The following FRMPD3 variants were observed in gnomAD, a reference collection of about 807,000 sequenced individuals.
FRMPD3 encodes the protein FERM and PDZ domain-containing protein 3.
Under a neutral mutation model 97.9 loss-of-function variants are expected in FRMPD3, and 42 were observed. That is an observed-to-expected ratio of 0.43 (90% confidence interval 0.34 to 0.55). The LOEUF is 0.55. Ranked by LOEUF, FRMPD3 falls within the 20% of genes least tolerant of loss-of-function variation. FRMPD3 has a pLI of 0.03. For missense variants in FRMPD3, 1,303 were observed against 1,457.7 expected, an observed-to-expected ratio of 0.89 and a Z score of 1.73; for synonymous variants, 577 against 581.1, an observed-to-expected ratio of 0.99 and a Z score of 0.10.
Position 107,576,321 on chromosome X carries a change from G to T in FRMPD3, c.1303G>T (p.Val435Leu), listed in dbSNP as rs1425252155. ...ETSIMDAKPLVLLMEWPEATN... is the reference protein window; with the variant it reads ...ETSIMDAKPLLLLMEWPEATN... The stretch of plus-strand genomic sequence containing the variant: ...CTTCCCTTCTCTTCTGCAGCCTCTG[G>T]TGCTGTTGATGGAGTGGCCTGAAGC... The change falls in exon 13 of 15, where the codon GTG becomes TTG. Residue 435 changes from valine (V) to leucine (L), a missense_variant. Coordinates refer to ENST00000683843, the MANE Select transcript of FRMPD3 (RefSeq NM_001388459.1). 1.7e-6 allele frequency: 2 copies of T among 1,208,356 alleles called. No homozygotes were observed. Among genetic ancestry groups the T allele is most frequent in the Non-Finnish European group, 2.2e-6 (2 of 894,806 alleles).
rs1365575864 is a variant in FRMPD3 at position 107,572,911 on chromosome X, A to ACTAC, written c.1297-3404_1297-3403insCTAC. On this transcript the variant is annotated intron_variant, in intron 12 of 14. Coordinates refer to ENST00000683843, the MANE Select transcript of FRMPD3 (RefSeq NM_001388459.1). ...ACTACTACTACTACTACTACTACTA[A>ACTAC]TAATAATAATAATAATAAAGTAGAA... 8.7e-3 allele frequency among the ~76,000 whole-genome samples: 760 copies of ACTAC among 87,545 alleles called. 9 individuals carry two copies. Among genetic ancestry groups the ACTAC allele is most frequent in the African/African-American group, 0.036 (662 of 18,369 alleles). The allele number at this position is 87,545 out of a possible 115,157, so 76.0% of individuals were successfully genotyped here.
intron 4 of FRMPD3, among the ~76,000 whole-genome samples, chrX:107,541,101 C>A (rs1486416529): frequency 8.8e-6 from 1 of 113,314 alleles, no homozygotes; most frequent in Non-Finnish European, 1.9e-5. Context: ...AGGTGGTGAG[C>A]AAGATTTGGC....
chrX:107,534,271 C>T (rs954701529), intron 4 of FRMPD3, among the ~76,000 whole-genome samples: 1 of 111,810 alleles, frequency 8.9e-6, no homozygotes, highest in African/African-American at 3.3e-5. Context: ...AACTTAAATG[C>T]ACAAACCCAG....
At chrX:107,453,167 T>G (rs1412310944) in intron 1 of FRMPD3, among the ~76,000 whole-genome samples, 1 of 110,968 alleles carries the variant, frequency 9.0e-6, no homozygotes, top group Non-Finnish European at 1.9e-5. Context: ...CCAGGCTAAC[T>G]GAATGAAGCC....
chrX:107,576,243 T>G lies in FRMPD3; in HGVS notation c.1297-72T>G. 3 of 1,121,966 alleles carry G rather than the reference T, an allele frequency of 2.7e-6. No homozygotes were observed. The Middle Eastern group carries it at 7.3e-4, about 274-fold the overall frequency. The allele number at this position is 1,121,966 out of a possible 1,213,427, so 92.5% of individuals were successfully genotyped here. A position where few individuals can be genotyped will look rare whatever the true frequency, so the allele number is the denominator to read the frequency against. Reference sequence around the variant, plus strand: ...ACTATGCAAGTCATCTTTTGCTAGCTACCATGCCTCTGAAAATGCATCTGC... The same window carrying G: ...ACTATGCAAGTCATCTTTTGCTAGCGACCATGCCTCTGAAAATGCATCTGC... On this transcript the variant is annotated intron_variant, in intron 12 of 14. Coordinates refer to ENST00000683843, the MANE Select transcript of FRMPD3 (RefSeq NM_001388459.1).
rs1288610888 is a variant in FRMPD3 at position 107,601,647 on chromosome X, G to A, written c.3608G>A (p.Gly1203Asp). 1 of 1,211,039 alleles carries A rather than the reference G, an allele frequency of 8.3e-7. No individual in the cohort carries two copies. The stretch of plus-strand genomic sequence containing the variant: ...AATGGAGCCCACTCGACCTCTGAAG[G>A]CCCTGCCAAACCCAAGTCATCCCGA... Reference protein sequence around the residue: ...TLNGAHSTSEGPAKPKSSRGP... With the variant: ...TLNGAHSTSEDPAKPKSSRGP... Residue 1203 changes from glycine to aspartate, a missense_variant, in exon 15 of 15, where the codon GGC becomes GAC. Coordinates refer to ENST00000683843, the MANE Select transcript of FRMPD3 (RefSeq NM_001388459.1).
intron 1 of FRMPD3, among the ~76,000 whole-genome samples, chrX:107,509,228 TC>T (rs1159431309): frequency 8.9e-6 from 1 of 112,535 alleles, no homozygotes; most frequent in Admixed American, 9.3e-5. Context: ...TAGAGCTGGC[TC>T]CGCAAAGACC....
At chrX:107,483,573 T>A (rs940494685) in intron 1 of FRMPD3, among the ~76,000 whole-genome samples, 1 of 111,733 alleles carries the variant, frequency 8.9e-6, no homozygotes, top group African/African-American at 3.3e-5. Context: ...ATTCTGGGCT[T>A]TCTCAGCCCT....
At chrX:107,524,995 CAAAAAAAAAA>C (rs750900204) in intron 1 of FRMPD3, among the ~76,000 whole-genome samples, 4 of 13,737 alleles carry the variant, frequency 2.9e-4, no homozygotes, top group African/African-American at 4.5e-4. Context: ...GACTCCATCT[CAAAAAAAAAA>C]AAAAAAAAAA....
chrX:107,533,715 T>C (rs1219760981), intron 4 of FRMPD3, among the ~76,000 whole-genome samples, 165 bp downstream of exon 4: 1 of 112,084 alleles, frequency 8.9e-6, no homozygotes. Flanking sequence ...ACAGCATGTC[T>C]CTGCTCATGT....
At chrX:107,467,990 C>T (rs6418255) in intron 1 of FRMPD3, among the ~76,000 whole-genome samples, 19,165 of 111,162 alleles carry the variant, frequency 0.17, 3,788 homozygotes, top group African/African-American at 0.58. Flanking sequence ...AAAGACTCTT[C>T]CCATTACCCA....
intron 1 of FRMPD3, among the ~76,000 whole-genome samples, chrX:107,478,672 T>A (rs764963922): frequency 5.4e-5 from 6 of 111,448 alleles, no homozygotes; most frequent in African/African-American, 1.6e-4. Context: ...AAAAAAAAAA[T>A]GTTTGACTCC....
At chrX:107,452,813 C>G (rs1393435288) in intron 1 of FRMPD3, among the ~76,000 whole-genome samples, 2 of 108,985 alleles carry the variant, frequency 1.8e-5, no homozygotes, top group African/African-American at 3.4e-5. Flanking sequence ...TTGTGACCAA[C>G]GACATCCTCT....
intron 5 of FRMPD3, among the ~76,000 whole-genome samples, chrX:107,549,343 A>G (rs1279120664): frequency 9.0e-6 from 1 of 111,420 alleles, no homozygotes; most frequent in African/African-American, 3.3e-5. Context: ...AAAGAAAAAA[A>G]AAAGAAAATG....
chrX:107,522,501 G>A (rs753485596), intron 1 of FRMPD3: 1 of 539,702 alleles, frequency 1.9e-6, no homozygotes, highest in Non-Finnish European at 3.3e-6. Flanking sequence ...GGAGCAGGTA[G>A]GGGGTGCTGC....
intron 5 of FRMPD3, among the ~76,000 whole-genome samples, chrX:107,546,406 T>G (rs1921602302): frequency 8.9e-6 from 1 of 111,995 alleles, no homozygotes; most frequent in African/African-American, 3.3e-5. Flanking sequence ...ACCAGATACC[T>G]CTCAGCAATG....
At chrX:107,523,176 G>T (rs1162968315) in intron 1 of FRMPD3, among the ~76,000 whole-genome samples, 2 of 111,353 alleles carry the variant, frequency 1.8e-5, no homozygotes, top group Non-Finnish European at 1.9e-5. Context: ...CAAACCCCAG[G>T]AGGGAAGGAA....
At chrX:107,533,663 T>G (rs867664823) in intron 4 of FRMPD3, 113 bp downstream of exon 4, 2 of 643,742 alleles carry the variant, frequency 3.1e-6, no homozygotes, top group Middle Eastern at 3.3e-4. Flanking sequence ...AACCAACATA[T>G]GAGCCAAGGA....
intron 1 of FRMPD3, among the ~76,000 whole-genome samples, chrX:107,510,951 G>A (rs899713683): frequency 6.2e-5 from 7 of 112,519 alleles, no homozygotes; most frequent in Admixed American, 1.9e-4. Context: ...ACTGCTGGGC[G>A]TAAGTCCTTG....
Sources: gnomAD v4.1 joint callset for allele counts (sites outside exome capture counted in the v4.1 genomes callset) on GRCh38, gnomAD v4.1.1 for gene constraint, MANE v1.5 for transcripts, NCBI Gene and HGNC (gene_info 2026-07-23, HGNC 2026-07-21) for gene names.